Variants in NCAPG2 observed in about 807,000 individuals in gnomAD.
The protein encoded by NCAPG2 is condensin-2 complex subunit G2.
NCAPG2 carries 53 observed loss-of-function variants against 141.1 expected under a neutral mutation model. The ratio of observed to expected loss-of-function variants is 0.38; its 90% CI spans 0.30 to 0.47. NCAPG2 has a LOEUF of 0.47. Ranked by LOEUF, NCAPG2 falls within the 20% of genes least tolerant of loss-of-function variation. The pLI, the probability that NCAPG2 is intolerant of heterozygous loss-of-function variation, is 0.99. For missense variants in NCAPG2, 1,087 were observed against 1,389.0 expected (o/e 0.78, Z 3.46); for synonymous variants, 499 against 490.7 (o/e 1.02, Z -0.22).
intron 6 of NCAPG2, among the ~76,000 whole-genome samples, chr7:158,688,476 A>C (rs1164108012): frequency 6.6e-6 from 1 of 152,198 alleles, no homozygotes; most frequent in Non-Finnish European, 1.5e-5. Context: ...ATCCATCATT[A>C]ATTTCTTCAC....
chr7:158,686,978 C>A (rs1015082981), intron 7 of NCAPG2, among the ~76,000 whole-genome samples: 1 of 152,210 alleles, frequency 6.6e-6, no homozygotes, highest in African/African-American at 2.4e-5. Context: ...ACGTTCCCTG[C>A]TGCTCCTGCA....
At chr7:158,651,627 G>A (rs545279660) in intron 23 of NCAPG2, among the ~76,000 whole-genome samples, 9 of 152,102 alleles carry the variant, frequency 5.9e-5, no homozygotes, top group Non-Finnish European at 1.3e-4. Context: ...ACAACATCAC[G>A]TGGTACGAGA....
At chr7:158,695,434 T>A (rs1452375794) in intron 2 of NCAPG2, among the ~76,000 whole-genome samples, 1 of 152,202 alleles carries the variant, frequency 6.6e-6, no homozygotes, top group Non-Finnish European at 1.5e-5. Context: ...CAAACTAGGA[T>A]GGGCTGCTAA....
chr7:158,633,148 C>G lies in NCAPG2; in HGVS notation c.3381-1431G>C, dbSNP rs1829991096. Among the ~76,000 whole-genome samples, 1 of 151,902 alleles carries G rather than the reference C, an allele frequency of 6.6e-6. No homozygotes were observed. The highest frequency in any genetic ancestry group is 2.1e-4 in the South Asian group (1 of 4,814). Reference sequence around the variant, plus strand: ...TCTTTAAGCTCTGGGGAATTTTTTCCTATCGTTGTTGAATCACTGCTTCTC... The same window carrying G: ...TCTTTAAGCTCTGGGGAATTTTTTCGTATCGTTGTTGAATCACTGCTTCTC... On this transcript the variant is annotated intron_variant, in intron 27 of 27. Transcript: ENST00000356309. The surrounding 1 kb of genome is among the most constrained non-coding windows in gnomAD (Gnocchi z 4.1).
intron 27 of NCAPG2, among the ~76,000 whole-genome samples, chr7:158,639,397 C>T (rs559162025): frequency 3.9e-5 from 6 of 152,112 alleles, no homozygotes; most frequent in African/African-American, 1.2e-4. Flanking sequence ...TGTAAGCCAC[C>T]GCACCTGGCT....
At chr7:158,639,022 T>C (rs1830467118) in intron 27 of NCAPG2, among the ~76,000 whole-genome samples, 2 of 152,204 alleles carry the variant, frequency 1.3e-5, no homozygotes, top group Non-Finnish European at 2.9e-5. Flanking sequence ...CCCAAAATTA[T>C]ACTGAGGTAT....
intron 10 of NCAPG2, 110 bp downstream of exon 10, chr7:158,680,611 G>T: frequency 1.6e-6 from 1 of 615,026 alleles, no homozygotes; most frequent in Non-Finnish European, 2.5e-6. Context: ...AAAGCATTCA[G>T]TCTTCAGCCT....
At chr7:158,674,313 G>T (rs1170158255) in intron 12 of NCAPG2, among the ~76,000 whole-genome samples, 2 of 149,648 alleles carry the variant, frequency 1.3e-5, no homozygotes, top group Non-Finnish European at 3.0e-5. Flanking sequence ...TTGAGACAAG[G>T]TCTGGCTCTA....
intron 13 of NCAPG2, among the ~76,000 whole-genome samples, chr7:158,670,402 C>A (rs1292069974): frequency 6.6e-6 from 1 of 152,084 alleles, no homozygotes; most frequent in East Asian, 1.9e-4. Flanking sequence ...CTCATCCCTA[C>A]AAAAACTACA....
intron 9 of NCAPG2, among the ~76,000 whole-genome samples, chr7:158,682,408 T>A (rs1325379616): frequency 6.6e-6 from 1 of 152,182 alleles, no homozygotes; most frequent in Non-Finnish European, 1.5e-5. Flanking sequence ...CAATCACGAT[T>A]TTTAAATCCT....
intron 12 of NCAPG2, among the ~76,000 whole-genome samples, chr7:158,672,806 AC>A (rs1057270489): frequency 8.6e-5 from 13 of 151,862 alleles, no homozygotes; most frequent in African/African-American, 2.9e-4. Context: ...GCCACCACCT[AC>A]CTTGCCAGTT....
chr7:158,664,193 C>T lies in NCAPG2; in HGVS notation c.1806G>A (p.Glu602=). ...GCCCTGTTCTACTCACAGTCACATT[C>T]TCCTTCTCCCTTCCGTCCTCTTCCT... ...DEEEEDGREK[E]NVTVLDKTLS... The change falls in exon 15 of 28, where the codon GAG becomes GAA. Residue 602 remains glutamate (E), a synonymous_variant. Transcript: ENST00000356309. 1 of 1,607,902 alleles carries T rather than the reference C, an allele frequency of 6.2e-7. No homozygotes were observed. Among genetic ancestry groups the T allele is most frequent in the Admixed American group, 1.7e-5 (1 of 60,032 alleles).
chr7:158,665,418 A>G (rs1832846737), intron 13 of NCAPG2: 1 of 152,334 alleles, frequency 6.6e-6, no homozygotes, highest in African/African-American at 2.4e-5. Flanking sequence ...GAAATCCAAG[A>G]CAAAAGAAAA....
chr7:158,667,224 G>C, intron 13 of NCAPG2: 1 of 985,410 alleles, frequency 1.0e-6, no homozygotes, highest in Non-Finnish European at 1.2e-6. Context: ...TTCTTCCTCT[G>C]CTCTGGCGCC....
At chr7:158,665,622 C>T (rs1402980430) in intron 13 of NCAPG2, among the ~76,000 whole-genome samples, 1 of 152,064 alleles carries the variant, frequency 6.6e-6, no homozygotes, top group East Asian at 1.9e-4. Context: ...AACAAAAACC[C>T]ACACACAAAA....
chr7:158,689,996 G>A, intron 5 of NCAPG2, 43 bp from the exon 6 acceptor site: 1 of 1,412,638 alleles, frequency 7.1e-7, no homozygotes, highest in Admixed American at 2.7e-5. Flanking sequence ...TCAATGAACA[G>A]TAAAGTCATA....
At chr7:158,671,774 TA>T in intron 12 of NCAPG2, 108 bp from the exon 13 acceptor site, 1 of 1,215,602 alleles carries the variant, frequency 8.2e-7, no homozygotes. Context: ...TTATTAGAAC[TA>T]CTAGTGAAAT....
chr7:158,683,611 T>C (rs1246604227), intron 8 of NCAPG2, among the ~76,000 whole-genome samples: 2 of 151,262 alleles, frequency 1.3e-5, no homozygotes, highest in East Asian at 3.9e-4. Flanking sequence ...CTCTTTTATT[T>C]GATGAAATAT....
intron 5 of NCAPG2, 42 bp downstream of exon 5, chr7:158,690,526 A>C: frequency 6.3e-7 from 1 of 1,581,226 alleles, no homozygotes; most frequent in Middle Eastern, 1.7e-4. Flanking sequence ...TCTGGGCAAT[A>C]GAGAGAGACC....
Sources: gnomAD v4.1 joint callset for allele counts (sites outside exome capture counted in the v4.1 genomes callset) on GRCh38, gnomAD v4.1.1 for gene constraint, Gnocchi (gnomAD v3.1) non-coding constraint, MANE v1.5 for transcripts, NCBI Gene and HGNC (gene_info 2026-07-23, HGNC 2026-07-21) for gene names.